AFTPH: variants seen among roughly 807,000 people sequenced by gnomAD.
AFTPH encodes aftiphilin protein.
In AFTPH, 7 loss-of-function variants were observed where a neutral mutation model predicts 72.5. The ratio of observed to expected loss-of-function variants is 0.10; its 90% CI spans 0.05 to 0.18. AFTPH has a LOEUF of 0.18. Among genes scored for constraint, AFTPH ranks in the 10% least tolerant of loss-of-function variants. The pLI is 1.00. For missense variants in AFTPH, 979 were observed against 1,060.5 expected, an observed-to-expected ratio of 0.92 and a Z score of 1.07; for synonymous variants, 337 against 370.1, an observed-to-expected ratio of 0.91 and a Z score of 1.03.
chr2:64,561,754 ATATT>A (rs1454769961), intron 2 of AFTPH, among the ~76,000 whole-genome samples: 4 of 152,250 alleles, frequency 2.6e-5, no homozygotes, highest in African/African-American at 9.6e-5. Flanking sequence ...CATCAGCTAA[ATATT>A]TAGTATGCTA....
At chr2:64,591,501 GA>G (rs964569979) in intron 8 of AFTPH, among the ~76,000 whole-genome samples, 4 of 152,182 alleles carry the variant, frequency 2.6e-5, no homozygotes, top group Non-Finnish European at 5.9e-5. Context: ...GAGGGGCAGG[GA>G]AAAACCCAGT....
chr2:64,542,638 C>T (rs1572956798), intron 1 of AFTPH, among the ~76,000 whole-genome samples: 1 of 151,976 alleles, frequency 6.6e-6, no homozygotes, highest in Non-Finnish European at 1.5e-5. Context: ...CCCATGCCCC[C>T]AAGCCTATGA....
At position 64,579,561 on chromosome 2, in the gene AFTPH, A is replaced by G; in HGVS notation, c.2455+15A>G. ...CCCTTTAGATGGTACGTCTCTCCGTAGAGCCTCTAGCACCAGAGCTAGAGT... is the reference window on the plus strand; with the variant it reads ...CCCTTTAGATGGTACGTCTCTCCGTGGAGCCTCTAGCACCAGAGCTAGAGT... On this transcript the variant is annotated intron_variant, in intron 7 of 8. Coordinates refer to ENST00000238856, the Ensembl canonical transcript of AFTPH. 1 of 1,610,104 alleles carries G rather than the reference A, an allele frequency of 6.2e-7. No individual in the cohort carries two copies. The highest frequency in any genetic ancestry group is 8.5e-7 in the Non-Finnish European group (1 of 1,176,650).
intron 6 of AFTPH, 57 bp from the exon 7 acceptor site, chr2:64,579,421 TAAGGATTC>T: frequency 7.5e-7 from 1 of 1,335,676 alleles, no homozygotes; most frequent in Non-Finnish European, 1.0e-6. Context: ...TTTTTTTTTT[TAAGGATTC>T]TTTACGTTGC....
chr2:64,539,278 G>C lies in AFTPH; in HGVS notation c.-32-12165G>C, dbSNP rs529975095. ...GCATTATGCTCTGGCGACACTCACT[G>C]ACACCTCTGCTTATGCTGAGGAATT... On this transcript the variant is annotated intron_variant, in intron 1 of 8. Coordinates refer to ENST00000238856, the Ensembl canonical transcript of AFTPH. 3.9e-5 allele frequency among the ~76,000 whole-genome samples: 6 copies of C among 152,264 alleles called. No individual in the cohort carries two copies. The South Asian group carries it at 6.2e-4, about 16-fold the overall frequency.
At chr2:64,536,527 A>C (rs1261407284) in intron 1 of AFTPH, among the ~76,000 whole-genome samples, 1 of 147,960 alleles carries the variant, frequency 6.8e-6, no homozygotes, top group Non-Finnish European at 1.5e-5. Context: ...GCGCCACTGC[A>C]CTCCAGCCTG....
chr2:64,592,115 T>TAAAAAAAAAAAAAA (rs35699964), exon 9 of AFTPH: 2 of 751,800 alleles, frequency 2.7e-6, no homozygotes. Context: ...CTGCTCTAAT[T>TAAAAAAAAAAAAAA]AAAAAAAAAA....
At chr2:64,546,314 G>A (rs1670616001) in intron 1 of AFTPH, among the ~76,000 whole-genome samples, 1 of 152,070 alleles carries the variant, frequency 6.6e-6, no homozygotes, top group Non-Finnish European at 1.5e-5. Context: ...TTTAAAAGGT[G>A]TTATGAGCAT....
At chr2:64,528,848 G>C (rs1217628547) in intron 1 of AFTPH, among the ~76,000 whole-genome samples, 1 of 152,154 alleles carries the variant, frequency 6.6e-6, no homozygotes, top group African/African-American at 2.4e-5. Flanking sequence ...GTGGGAGATG[G>C]TAAGTCATTG....
At chr2:64,544,921 A>G (rs1670472884) in intron 1 of AFTPH, among the ~76,000 whole-genome samples, 1 of 152,090 alleles carries the variant, frequency 6.6e-6, no homozygotes. Flanking sequence ...GAAATATGAA[A>G]ATGTTTTTAC....
intron 1 of AFTPH, 26 bp downstream of exon 1, chr2:64,524,638 A>G (rs1669133885): frequency 5.0e-6 from 2 of 396,754 alleles, no homozygotes; most frequent in Admixed American, 4.4e-5. Flanking sequence ...CCGCTCCCCT[A>G]GCTGCGCCGG....
rs146840939 is a variant in AFTPH, at chr2:64,556,746, A to G, written c.1935+3337A>G. Among the ~76,000 whole-genome samples the G allele has an allele frequency of 6.3e-4, 96 of 152,352 alleles. No individual in the cohort carries two copies. The East Asian group carries it at 0.016, about 25-fold the overall frequency. On this transcript the variant is annotated intron_variant, in intron 2 of 8. Transcript: ENST00000238856. ...CAAGCAAGAATTCTTGCAAAATTAAAAAAATGTTCGTAGTCTAATTCTCAG... is the reference window on the plus strand; with the variant it reads ...CAAGCAAGAATTCTTGCAAAATTAAGAAAATGTTCGTAGTCTAATTCTCAG...
chr2:64,552,544 A>G, exon 2 of AFTPH: 1 of 1,614,048 alleles, frequency 6.2e-7, no homozygotes, highest in Non-Finnish European at 8.5e-7. Context: ...ACTGAAGAAA[A>G]ACTTGACTTA....
At chr2:64,576,159 GTA>G (rs1308664957) in intron 6 of AFTPH, among the ~76,000 whole-genome samples, 3 of 142,804 alleles carry the variant, frequency 2.1e-5, no homozygotes, top group Non-Finnish European at 3.0e-5. Context: ...GTGTGTGTAT[GTA>G]TATATATATG....
chr2:64,567,729 T>C lies in AFTPH; in HGVS notation c.2087+16T>C, dbSNP rs768246298. On this transcript the variant is annotated intron_variant, in intron 3 of 8. Coordinates refer to ENST00000238856, the Ensembl canonical transcript of AFTPH. ...CTGAAAGTGGGTAAGTAGGAGACTG[T>C]TTTTAGATAGCATGTGTTTTTGTTA... The C allele has an allele frequency of 1.3e-6, 2 of 1,589,422 alleles. No individual in the cohort carries two copies. The highest frequency in any genetic ancestry group is 2.3e-5 in the South Asian group (2 of 86,970).
chr2:64,533,234 T>TA (rs1669722327), intron 1 of AFTPH, among the ~76,000 whole-genome samples: 1 of 151,754 alleles, frequency 6.6e-6, no homozygotes. Flanking sequence ...CCCATCTCTA[T>TA]AAAAAATATA....
At chr2:64,569,662 A>G (rs770631937) in exon 5 of AFTPH, 2 of 1,613,798 alleles carry the variant, frequency 1.2e-6, no homozygotes, top group Non-Finnish European at 1.7e-6. Context: ...TATAGTGCCC[A>G]TGTATGCAGC....
At chr2:64,540,387 A>G (rs1670167625) in intron 1 of AFTPH, among the ~76,000 whole-genome samples, 1 of 152,178 alleles carries the variant, frequency 6.6e-6, no homozygotes, top group African/African-American at 2.4e-5. Context: ...TAAACTCTCA[A>G]ATATGGTCAG....
intron 7 of AFTPH, chr2:64,580,274 G>C (rs1026780623): frequency 6.6e-6 from 1 of 152,602 alleles, no homozygotes; most frequent in Non-Finnish European, 1.5e-5. Context: ...TTGTGCTTAA[G>C]TTGTTCGAGC....
Sources: gnomAD v4.1 joint callset for allele counts (sites outside exome capture counted in the v4.1 genomes callset) on GRCh38, gnomAD v4.1.1 for gene constraint, MANE v1.5 for transcripts, NCBI Gene and HGNC (gene_info 2026-07-23, HGNC 2026-07-21) for gene names.